EIF2AK2: variants seen among roughly 807,000 people sequenced by gnomAD.
EIF2AK2 encodes the protein interferon-induced, double-stranded RNA-activated protein kinase.
Under a neutral mutation model 70.5 loss-of-function variants are expected in EIF2AK2, and 40 were observed. That is an observed-to-expected ratio of 0.57 (90% confidence interval 0.44 to 0.74). The LOEUF (loss-of-function observed/expected upper bound fraction) is 0.74. Among genes scored for constraint, EIF2AK2 ranks in the 30% least tolerant of loss-of-function variants. The pLI is 0.00. For missense variants in EIF2AK2, 555 were observed against 644.3 expected (o/e 0.86, Z 1.50); for synonymous variants, 198 against 220.9 (o/e 0.90, Z 0.92).
intron 15 of EIF2AK2, 47 bp downstream of exon 15, chr2:37,109,147 T>G: frequency 6.4e-7 from 1 of 1,560,212 alleles, no homozygotes; most frequent in Non-Finnish European, 8.8e-7. Flanking sequence ...CTGAAGGTGG[T>G]AGTCAGTAAT....
intron 1 of EIF2AK2, among the ~76,000 whole-genome samples, chr2:37,155,920 A>C (rs1675904816): frequency 6.8e-6 from 1 of 147,124 alleles, no homozygotes; most frequent in African/African-American, 2.5e-5. Context: ...CAGCCTGGCG[A>C]CAGAGTGAGA....
intron 3 of EIF2AK2, 107 bp from the exon 4 acceptor site, chr2:37,147,080 C>G (rs1675571858): frequency 9.3e-7 from 1 of 1,073,794 alleles, no homozygotes; most frequent in South Asian, 1.7e-5. Flanking sequence ...AGGGTTTGAA[C>G]CTACATTCAA....
intron 14 of EIF2AK2, among the ~76,000 whole-genome samples, chr2:37,114,529 G>A (rs1674268624): frequency 6.6e-6 from 1 of 152,010 alleles, no homozygotes; most frequent in Non-Finnish European, 1.5e-5. Flanking sequence ...GTATATTTGT[G>A]TTTGTATGTT....
intron 1 of EIF2AK2, among the ~76,000 whole-genome samples, chr2:37,153,804 T>A (rs1675828625): frequency 6.6e-6 from 1 of 152,184 alleles, no homozygotes; most frequent in South Asian, 2.1e-4. Context: ...TATACATATA[T>A]CTGTTTAAGT....
intron 1 of EIF2AK2, chr2:37,149,312 T>C (rs1041244441): frequency 1.0e-6 from 1 of 969,698 alleles, no homozygotes; most frequent in African/African-American, 1.6e-5. Context: ...TAATCTGTGG[T>C]ATCAAACTAT....
rs1573025911 is a variant in EIF2AK2 at position 37,137,075 on chromosome 2, C to T, written c.688-58G>A. On this transcript the variant is annotated intron_variant, in intron 8 of 16. Transcript: ENST00000233057. ...ATGACTAAATCAGTCATCTTCCTTT[C>T]CCGTTTTCCTTCCTCCTGTATATCT... is the stretch of plus-strand genomic sequence containing the variant. 1.4e-5 allele frequency: 21 copies of T among 1,477,598 alleles called. No homozygotes were observed. The East Asian group carries it at 4.9e-4, about 34-fold the overall frequency. 91.5% of individuals were successfully genotyped at this position (1,477,598 alleles called of 1,614,324 possible).
chr2:37,111,685 C>A (rs1402673601), intron 14 of EIF2AK2, among the ~76,000 whole-genome samples: 12 of 148,070 alleles, frequency 8.1e-5, no homozygotes, highest in Middle Eastern at 3.5e-3. Context: ...GAAACCCAGT[C>A]TCTACAAAAA....
At chr2:37,153,372 G>A (rs1217023542) in intron 1 of EIF2AK2, among the ~76,000 whole-genome samples, 2 of 119,200 alleles carry the variant, frequency 1.7e-5, no homozygotes, top group Non-Finnish European at 3.3e-5. Context: ...ACAGGGTCTC[G>A]CTCTGTTGCC....
In EIF2AK2 at chr2:37,105,325, A is replaced by T. The variant is rs976190575; in HGVS notation, c.*1948T>A. 3 of 151,824 alleles carry T rather than the reference A, an allele frequency of 2.0e-5. No individual in the cohort carries two copies. The highest frequency in any genetic ancestry group is 2.0e-4 in the Admixed American group (3 of 15,230). The allele number at this position is 151,824 out of a possible 1,614,324, so 9.4% of individuals were successfully genotyped here. A position where few individuals can be genotyped will look rare whatever the true frequency, so the allele number is the denominator to read the frequency against. On this transcript the variant is annotated 3_prime_UTR_variant, in exon 17 of 17. Transcript: ENST00000233057. ...GGTCATGGGGGAAGACCCCTCATGA[A>T]TACATTAATGCCGTCCCTGGGGGTG...
Position 37,138,569 on chromosome 2 carries a change from G to A in EIF2AK2, c.533C>T (p.Ser178Phe), listed in dbSNP as rs773339693. The A allele has an allele frequency of 5.6e-6, 9 of 1,614,108 alleles. No individual in the cohort carries two copies. The highest frequency in any genetic ancestry group is 2.2e-5 in the East Asian group (1 of 44,858). Residue 178 changes from serine (S) to phenylalanine (F), a missense_variant, in exon 7 of 17, where the codon TCC (serine) becomes TTC (phenylalanine). Ser to Phe is a radical substitution (Grantham distance 155). This residue lies in a region of EIF2AK2 where 208 missense variants were observed against 191.8 expected (regional missense o/e 1.08). Coordinates refer to ENST00000233057, the MANE Select transcript of EIF2AK2 (RefSeq NM_001135651.3). ...EETSVKSDYLSSGSFATTCES... is the reference protein window; with the variant it reads ...EETSVKSDYLFSGSFATTCES... Reference sequence around the variant, plus strand: ...ACACGTAGTAGCAAAAGAACCAGAGGACAGGTAGTCAGATTTCTGAAAGAA... The same window carrying A: ...ACACGTAGTAGCAAAAGAACCAGAGAACAGGTAGTCAGATTTCTGAAAGAA...
In EIF2AK2 at chr2:37,103,812, T is replaced by C. The variant is rs1320221431; in HGVS notation, c.*3461A>G. The C allele has an allele frequency of 6.6e-6, 1 of 152,198 alleles. No homozygotes were observed. The highest frequency in any genetic ancestry group is 1.5e-5 in the Non-Finnish European group (1 of 68,036). 9.4% of individuals were successfully genotyped at this position (152,198 alleles called of 1,614,324 possible). On this transcript the variant is annotated 3_prime_UTR_variant, in exon 17 of 17. Transcript: ENST00000233057. ...AAAGTTGCAGACATCATGACACACT[T>C]GGCCTCTAAATGTTTGTGCATGCAT...
At position 37,107,471 on chromosome 2, in the gene EIF2AK2, T is replaced by A; in HGVS notation, c.1533+3A>T. ...AAAATTCTGATGATTTTCAAGTGCT[T>A]ACTTCTTTTTTATCAAATATATCTG... On this transcript the variant is annotated splice_donor_region_variant and intron_variant, in intron 16 of 16. Coordinates refer to ENST00000233057, the MANE Select transcript of EIF2AK2 (RefSeq NM_001135651.3). The A allele has an allele frequency of 6.2e-7, 1 of 1,612,170 alleles. No individual in the cohort carries two copies. Among genetic ancestry groups the A allele is most frequent in the Non-Finnish European group, 8.5e-7 (1 of 1,179,572 alleles).
At chr2:37,151,244 A>C (rs993596097) in intron 1 of EIF2AK2, among the ~76,000 whole-genome samples, 2 of 152,178 alleles carry the variant, frequency 1.3e-5, no homozygotes, top group African/African-American at 2.4e-5. Flanking sequence ...ACAGCTCAAC[A>C]ACAAAAAGAC....
chr2:37,128,714 A>G (rs1674836751), intron 10 of EIF2AK2, among the ~76,000 whole-genome samples: 1 of 152,196 alleles, frequency 6.6e-6, no homozygotes, highest in Admixed American at 6.6e-5. Context: ...CACTACTTTA[A>G]GTTCCCCTTG....
intron 4 of EIF2AK2, among the ~76,000 whole-genome samples, chr2:37,146,362 A>G (rs2148711017): frequency 6.6e-6 from 1 of 152,342 alleles, no homozygotes; most frequent in Non-Finnish European, 1.5e-5. Flanking sequence ...TAAATAGGTT[A>G]TATGTAAATA....
In EIF2AK2 at chr2:37,147,717, C is replaced by A. The variant is rs201240900; in HGVS notation, c.90G>T (p.Leu30=). 1 of 1,613,052 alleles carries A rather than the reference C, an allele frequency of 6.2e-7. No homozygotes were observed. The highest frequency in any genetic ancestry group is 1.3e-5 in the African/African-American group (1 of 74,958). The change falls in exon 3 of 17, where the codon CTG becomes CTT. Residue 30 remains leucine (L), a synonymous_variant. Coordinates refer to ENST00000233057, the MANE Select transcript of EIF2AK2 (RefSeq NM_001135651.3). The part of the protein sequence containing the change: ...KQGVVLKYQE[L]PNSGPPHDRR... ...TATCATGTGGAGGTCCTGAATTAGG[C>A]AGTTCTTGATATTTAAGTACTACTC...
At chr2:37,154,363 A>C (rs1281103088) in intron 1 of EIF2AK2, among the ~76,000 whole-genome samples, 5 of 151,988 alleles carry the variant, frequency 3.3e-5, no homozygotes, top group African/African-American at 1.2e-4. Context: ...AAACAAAAAA[A>C]CATCAATTCA....
intron 15 of EIF2AK2, among the ~76,000 whole-genome samples, chr2:37,108,447 T>C (rs763657786): frequency 1.2e-4 from 18 of 152,192 alleles, no homozygotes; most frequent in Admixed American, 3.9e-4. Context: ...CCTAAGTCCC[T>C]ACAGCTGGAA....
At position 37,144,192 on chromosome 2, in the gene EIF2AK2, C is replaced by A. The variant is rs965431375; in HGVS notation, c.241-2491G>T. Among the ~76,000 whole-genome samples the A allele has an allele frequency of 3.3e-5, 5 of 152,186 alleles. No individual in the cohort carries two copies. The East Asian group carries it at 5.8e-4, about 18-fold the overall frequency. Reference sequence around the variant, plus strand: ...GGGTTACAGCACAATGCATTACTCACACATTTGTGGTGACACTACTGTAAA... The same window carrying A: ...GGGTTACAGCACAATGCATTACTCAAACATTTGTGGTGACACTACTGTAAA... On this transcript the variant is annotated intron_variant, in intron 4 of 16. Coordinates refer to ENST00000233057, the MANE Select transcript of EIF2AK2 (RefSeq NM_001135651.3).
Sources: allele counts gnomAD v4.1 joint callset (sites outside exome capture counted in the v4.1 genomes callset), GRCh38; gene constraint gnomAD v4.1.1; regional missense constraint gnomAD v4.1.1; transcripts MANE v1.5; gene names NCBI Gene and HGNC (gene_info 2026-07-23, HGNC 2026-07-21).